Variants in SYT1 observed in about 807,000 individuals in gnomAD.
The protein encoded by SYT1 is synaptotagmin-1.
SYT1 carries 8 observed loss-of-function variants against 44.8 expected under a neutral mutation model. The ratio of observed to expected loss-of-function variants is 0.18; its 90% confidence interval spans 0.10 to 0.32. The LOEUF (loss-of-function observed/expected upper bound fraction) is 0.32. Among genes scored for constraint, SYT1 ranks in the 10% least tolerant of loss-of-function variants. The pLI is 1.00. For missense variants in SYT1, 286 were observed against 509.3 expected, an observed-to-expected ratio of 0.56 and a Z score of 4.22; for synonymous variants, 154 against 188.8, an observed-to-expected ratio of 0.82 and a Z score of 1.51.
At chr12:79,188,858 C>CTGGAAA (rs1872950933) in intron 3 of SYT1, among the ~76,000 whole-genome samples, 1 of 152,044 alleles carries the variant, frequency 6.6e-6, no homozygotes, top group African/African-American at 2.4e-5. Flanking sequence ...GGAGATGTAA[C>CTGGAAA]TGGAAATTTT....
chr12:79,413,547 T>C (rs1868557067), intron 9 of SYT1, among the ~76,000 whole-genome samples: 1 of 152,216 alleles, frequency 6.6e-6, no homozygotes, highest in African/African-American at 2.4e-5. Context: ...GATCACAATA[T>C]GCCAAATAGC....
At chr12:78,889,015 C>T (rs1385794567) in intron 1 of SYT1, among the ~76,000 whole-genome samples, 1 of 151,862 alleles carries the variant, frequency 6.6e-6, no homozygotes, top group African/African-American at 2.4e-5. Flanking sequence ...ATTCTTTCCC[C>T]TTTTTAGACT....
intron 3 of SYT1, among the ~76,000 whole-genome samples, chr12:79,208,043 T>C (rs1052022312): frequency 1.3e-5 from 2 of 152,168 alleles, no homozygotes; most frequent in Non-Finnish European, 2.9e-5. Flanking sequence ...TTTGTTCATT[T>C]TGAGAAACTT....
At chr12:79,370,238 G>T (rs980963474) in intron 9 of SYT1, among the ~76,000 whole-genome samples, 2 of 152,142 alleles carry the variant, frequency 1.3e-5, no homozygotes, top group African/African-American at 4.8e-5. Flanking sequence ...CATGCAGAGG[G>T]CAGATACAGT....
intron 9 of SYT1, among the ~76,000 whole-genome samples, chr12:79,387,815 C>T (rs1437503148): frequency 6.6e-6 from 1 of 152,146 alleles, no homozygotes; most frequent in Non-Finnish European, 1.5e-5. Flanking sequence ...CGCCAGGCAA[C>T]AGTTGTAAAG....
intron 10 of SYT1, among the ~76,000 whole-genome samples, chr12:79,445,901 TATA>T (rs1374603970): frequency 2.1e-5 from 3 of 144,178 alleles, no homozygotes; most frequent in Non-Finnish European, 3.0e-5. Flanking sequence ...ATTTTATATA[TATA>T]ATAAGTATAG....
intron 3 of SYT1, among the ~76,000 whole-genome samples, chr12:79,217,250 A>G (rs770202845): frequency 3.0e-4 from 46 of 152,246 alleles, no homozygotes; most frequent in Admixed American, 8.5e-4. Flanking sequence ...TAGATTTGAC[A>G]GTATACATAG....
chr12:79,319,904 G>A (rs1881273929), intron 8 of SYT1, among the ~76,000 whole-genome samples: 1 of 152,154 alleles, frequency 6.6e-6, no homozygotes, highest in South Asian at 2.1e-4. Flanking sequence ...GCATGGAGTA[G>A]AATATCCATC....
intron 9 of SYT1, among the ~76,000 whole-genome samples, chr12:79,436,421 G>C (rs894756908): frequency 2.0e-5 from 3 of 152,178 alleles, no homozygotes; most frequent in African/African-American, 7.2e-5. Flanking sequence ...AAATATGGTA[G>C]AAACGGAAAG....
At chr12:79,206,474 T>TCC (rs1874135346) in intron 3 of SYT1, among the ~76,000 whole-genome samples, 1 of 152,040 alleles carries the variant, frequency 6.6e-6, no homozygotes, top group South Asian at 2.1e-4. Context: ...CAGACAGTGA[T>TCC]AGTAAGATAC....
intron 3 of SYT1, among the ~76,000 whole-genome samples, chr12:79,068,645 A>G (rs1432836778): frequency 2.6e-5 from 4 of 152,174 alleles, no homozygotes; most frequent in Non-Finnish European, 5.9e-5. Context: ...CATATGGACA[A>G]CTGATTTTCC....
At chr12:78,924,451 G>A (rs1877186282) in intron 1 of SYT1, among the ~76,000 whole-genome samples, 1 of 151,334 alleles carries the variant, frequency 6.6e-6, no homozygotes, top group Non-Finnish European at 1.5e-5. Context: ...TATGATGATT[G>A]CTAAATAGAG....
At chr12:79,227,266 C>T (rs1246617985) in intron 4 of SYT1, among the ~76,000 whole-genome samples, 1 of 151,966 alleles carries the variant, frequency 6.6e-6, no homozygotes, top group Non-Finnish European at 1.5e-5. Flanking sequence ...ATGGTAAACG[C>T]TTAGCATTTT....
chr12:78,889,282 G>T (rs1175788888), intron 1 of SYT1, among the ~76,000 whole-genome samples: 1 of 151,858 alleles, frequency 6.6e-6, no homozygotes, highest in Non-Finnish European at 1.5e-5. Flanking sequence ...GCATTTTTCT[G>T]GGGAATGAGC....
intron 1 of SYT1, among the ~76,000 whole-genome samples, chr12:78,925,382 A>G (rs1393037601): frequency 6.6e-6 from 1 of 151,960 alleles, no homozygotes; most frequent in African/African-American, 2.4e-5. Context: ...CAGAGTACAT[A>G]GTTCTAATAG....
chr12:79,095,736 T>A (rs1049457849), intron 3 of SYT1, among the ~76,000 whole-genome samples: 5 of 151,964 alleles, frequency 3.3e-5, no homozygotes, highest in African/African-American at 1.2e-4. Flanking sequence ...ATTTACAGCC[T>A]CTAAACTGAG....
intron 8 of SYT1, among the ~76,000 whole-genome samples, chr12:79,338,268 TCTTTTTC>T (rs540731109): frequency 4.9e-4 from 74 of 151,290 alleles, no homozygotes; most frequent in African/African-American, 1.7e-3. Flanking sequence ...TTTTCTTTTT[TCTTTTTC>T]CTTTTTTTTT....
At chr12:79,271,410 C>T (rs1878418980) in intron 4 of SYT1, among the ~76,000 whole-genome samples, 2 of 152,064 alleles carry the variant, frequency 1.3e-5, no homozygotes, top group Admixed American at 1.3e-4. Context: ...AATTTGTATA[C>T]AGGAGCCTAT....
chr12:79,272,361 G>A (rs1186838432), intron 4 of SYT1, among the ~76,000 whole-genome samples: 1 of 152,188 alleles, frequency 6.6e-6, no homozygotes. Flanking sequence ...GGACAGAGGA[G>A]ATAATTGATG....
Sources: gnomAD v4.1 joint callset for allele counts (sites outside exome capture counted in the v4.1 genomes callset) on GRCh38, gnomAD v4.1.1 for gene constraint, MANE v1.5 for transcripts, NCBI Gene and HGNC (gene_info 2026-07-23, HGNC 2026-07-21) for gene names.